Variants in SEL1L3 observed in about 807,000 individuals in gnomAD.
The protein encoded by SEL1L3 is protein sel-1 homolog 3.
Under a neutral mutation model 142.8 loss-of-function variants are expected in SEL1L3, and 76 were observed. That is an observed-to-expected ratio of 0.53 (90% CI 0.44 to 0.64). The LOEUF (loss-of-function observed/expected upper bound fraction) is 0.64, where lower values mean the gene tolerates loss of function less well. Among genes scored for constraint, SEL1L3 ranks in the 30% least tolerant of loss-of-function variants. The pLI is 0.00. For synonymous variants in SEL1L3, 504 were observed against 519.6 expected, an observed-to-expected ratio of 0.97 and a Z score of 0.41; for missense variants, 1,262 against 1,381.7, an observed-to-expected ratio of 0.91 and a Z score of 1.37.
intron 1 of SEL1L3, among the ~76,000 whole-genome samples, chr4:25,857,491 C>A (rs952969506): frequency 6.6e-6 from 1 of 152,202 alleles, no homozygotes; most frequent in Non-Finnish European, 1.5e-5. Flanking sequence ...TTTTCTCTCT[C>A]TGACTTCTAA....
chr4:25,781,894 C>T (rs1162946914), intron 15 of SEL1L3, among the ~76,000 whole-genome samples: 1 of 152,208 alleles, frequency 6.6e-6, no homozygotes, highest in African/African-American at 2.4e-5. Flanking sequence ...CTCTTTGCTT[C>T]TAGCAAGATC....
intron 23 of SEL1L3, among the ~76,000 whole-genome samples, chr4:25,749,783 T>G (rs1224231837): frequency 6.6e-6 from 1 of 152,234 alleles, no homozygotes; most frequent in African/African-American, 2.4e-5. Context: ...CTGCAGCCCA[T>G]GGGCCAAACG....
intron 11 of SEL1L3, among the ~76,000 whole-genome samples, chr4:25,797,427 C>G (rs560145651): frequency 6.6e-6 from 1 of 152,192 alleles, no homozygotes; most frequent in South Asian, 2.1e-4. Context: ...ATGTTAGGCT[C>G]CCAGTAGGAG....
intron 9 of SEL1L3, among the ~76,000 whole-genome samples, chr4:25,816,146 ATATAT>A (rs540403019): frequency 8.8e-5 from 13 of 147,312 alleles, no homozygotes; most frequent in African/African-American, 2.5e-4. Flanking sequence ...TATAATATAC[ATATAT>A]TATATATGTA....
At chr4:25,795,060 T>TGGGGGGGGGGG (rs199884490) in intron 11 of SEL1L3, among the ~76,000 whole-genome samples, 18 of 42,182 alleles carry the variant, frequency 4.3e-4, no homozygotes, top group African/African-American at 5.8e-4. Context: ...TCTTGGGGGG[T>TGGGGGGGGGGG]GGGGGGGAGG....
At chr4:25,731,751 TAGTTCC>T in the SEL1L3 span, among the ~76,000 whole-genome samples, 2 of 152,128 alleles carry the variant, frequency 1.3e-5, no homozygotes, top group African/African-American at 4.8e-5. Context: ...GCATTTGGGT[TAGTTCC>T]AGTTAGGGAC....
At position 25,775,860 on chromosome 4, in the gene SEL1L3, C is replaced by A. The variant is rs573290951; in HGVS notation, c.2669+417G>T. Among the ~76,000 whole-genome samples the A allele has an allele frequency of 2.3e-4, 35 of 152,246 alleles. No individual in the cohort carries two copies. The South Asian group carries it at 7.3e-3, about 32-fold the overall frequency. On this transcript the variant is annotated intron_variant, in intron 17 of 23. Transcript: ENST00000399878. ...ACATCTATGGAAGAGGTGGCCTGAACCTTAAACACTGATCTCTCTTCTTGC... is the reference window on the plus strand; with the variant it reads ...ACATCTATGGAAGAGGTGGCCTGAAACTTAAACACTGATCTCTCTTCTTGC...
At chr4:25,757,033 T>C (rs71610873) in intron 23 of SEL1L3, 113,987 of 998,794 alleles carry the variant, frequency 0.11, 7,027 homozygotes, top group African/African-American at 0.2. Flanking sequence ...TTCAGGAGGA[T>C]GAGGCAGCCA....
Position 25,850,428 on chromosome 4 carries a change from G to A in SEL1L3, c.163-2564C>T, listed in dbSNP as rs973472587. Reference sequence around the variant, plus strand: ...CTACTAGATTTGCAAAGATCAAAAAGTCAGATAACACATCGTACTGACCAG... The same window carrying A: ...CTACTAGATTTGCAAAGATCAAAAAATCAGATAACACATCGTACTGACCAG... On this transcript the variant is annotated intron_variant, in intron 1 of 23. Transcript: ENST00000399878. Among the ~76,000 whole-genome samples, 3 of 152,078 alleles carry A rather than the reference G, an allele frequency of 2.0e-5. No homozygotes were observed. In the East Asian group the frequency reaches 5.8e-4, roughly 29 times the overall value.
At chr4:25,801,693 T>C (rs1476685396) in intron 11 of SEL1L3, among the ~76,000 whole-genome samples, 1 of 152,132 alleles carries the variant, frequency 6.6e-6, no homozygotes. Context: ...ATCTAGTCCT[T>C]CATCTGGGAT....
At chr4:25,763,375 C>T (rs772676201) in intron 20 of SEL1L3, among the ~76,000 whole-genome samples, 5 of 152,100 alleles carry the variant, frequency 3.3e-5, no homozygotes, top group Non-Finnish European at 7.3e-5. Flanking sequence ...TTAATCCTCA[C>T]GATCTATGAG....
In SEL1L3 at chr4:25,849,259, G is replaced by A. The variant is rs934864470; in HGVS notation, c.163-1395C>T. On this transcript the variant is annotated intron_variant, in intron 1 of 23. Transcript: ENST00000399878. ...CCGTGTTCATAACAGCATTACTCACGCTAGCCAAAAGCAACCCCAAGGGTC... is the reference window on the plus strand; with the variant it reads ...CCGTGTTCATAACAGCATTACTCACACTAGCCAAAAGCAACCCCAAGGGTC... Among the ~76,000 whole-genome samples the A allele has an allele frequency of 4.6e-5, 7 of 152,192 alleles. No homozygotes were observed. In the East Asian group the frequency reaches 9.6e-4, roughly 21 times the overall value.
At chr4:25,770,768 A>G (rs1719115927) in intron 17 of SEL1L3, among the ~76,000 whole-genome samples, 1 of 151,702 alleles carries the variant, frequency 6.6e-6, no homozygotes, top group Non-Finnish European at 1.5e-5. Context: ...AGAAAAGAAA[A>G]GAAAAGAAAA....
chr4:25,810,429 T>C (rs142863493), intron 9 of SEL1L3, among the ~76,000 whole-genome samples: 1 of 152,236 alleles, frequency 6.6e-6, no homozygotes, highest in East Asian at 1.9e-4. Context: ...CAGAGCCCCA[T>C]TCAAAGGGTT....
At chr4:25,765,243 G>C (rs989869329) in intron 20 of SEL1L3, 83 bp downstream of exon 20, 4 of 887,290 alleles carry the variant, frequency 4.5e-6, no homozygotes, top group Non-Finnish European at 7.6e-6. Flanking sequence ...ACCCGCCCCC[G>C]TCGGCCTCCC....
intron 15 of SEL1L3, among the ~76,000 whole-genome samples, chr4:25,780,778 A>G (rs1441454806): frequency 1.4e-5 from 2 of 145,954 alleles, no homozygotes; most frequent in Non-Finnish European, 3.0e-5. Flanking sequence ...TAAATAAAAA[A>G]TAAAATACAC....
chr4:25,798,370 T>C (rs1712933889), intron 11 of SEL1L3, among the ~76,000 whole-genome samples: 1 of 152,214 alleles, frequency 6.6e-6, no homozygotes, highest in Non-Finnish European at 1.5e-5. Flanking sequence ...CACATGTATC[T>C]GCATATCACA....
intron 23 of SEL1L3, among the ~76,000 whole-genome samples, chr4:25,752,386 C>T (rs1717660050): frequency 6.9e-6 from 1 of 144,650 alleles, no homozygotes; most frequent in African/African-American, 2.7e-5. Context: ...CACTGCACTC[C>T]AGCCTGGGCA....
chr4:25,861,163 G>A (rs547502153), intron 1 of SEL1L3, among the ~76,000 whole-genome samples: 79 of 152,330 alleles, frequency 5.2e-4, no homozygotes, highest in African/African-American at 1.8e-3. Flanking sequence ...GCAGGGCCCT[G>A]TGTACAGGGA....
Sources: gnomAD v4.1 joint callset for allele counts (sites outside exome capture counted in the v4.1 genomes callset) on GRCh38, gnomAD v4.1.1 for gene constraint, MANE v1.5 for transcripts, NCBI Gene and HGNC (gene_info 2026-07-23, HGNC 2026-07-21) for gene names.